Variants in ZNF500 observed in about 807,000 individuals in gnomAD.
ZNF500 encodes zinc finger protein with KRAB and SCAN domains 18.
In ZNF500, 31 loss-of-function variants were observed where a neutral mutation model predicts 30.1. The observed-to-expected ratio is 1.03, with a 90% confidence interval of 0.77 to 1.39. The LOEUF is 1.39. Among genes scored for constraint, ZNF500 ranks in the 40% most tolerant of loss-of-function variants. The pLI, the probability that ZNF500 is intolerant of heterozygous loss-of-function variation, is 0.00. For missense variants in ZNF500, 817 were observed against 657.8 expected, an observed-to-expected ratio of 1.24 and a Z score of -2.65; for synonymous variants, 392 against 282.0, an observed-to-expected ratio of 1.39 and a Z score of -3.91.
At chr16:4,766,811 G>C (rs1447720241) in intron 1 of ZNF500, 2 of 152,244 alleles carry the variant, frequency 1.3e-5, no homozygotes, top group East Asian at 3.9e-4. Context: ...GGCCCCGTCA[G>C]GCACCCCCGC....
rs2082073745 is a variant in ZNF500 at position 4,751,176 on chromosome 16, T to C, written c.*1200A>G. On this transcript the variant is annotated 3_prime_UTR_variant, in exon 6 of 6. Transcript: ENST00000219478. ...GCTGCCCTACGACTTCCGAGATGAC[T>C]AAACCCACCAAGGACTCTATCACAC... is the stretch of plus-strand genomic sequence containing the variant. 1 of 162,138 alleles carries C rather than the reference T, an allele frequency of 6.2e-6. No homozygotes were observed. The highest frequency in any genetic ancestry group is 2.4e-5 in the African/African-American group (1 of 41,612). The allele number at this position is 162,138 out of a possible 1,614,324, so 10.0% of individuals were successfully genotyped here. A position where few individuals can be genotyped will look rare whatever the true frequency, so the allele number is the denominator to read the frequency against.
chr16:4,751,641 C>CA lies in ZNF500; in HGVS notation c.*734dup. On this transcript the variant is annotated 3_prime_UTR_variant, in exon 6 of 6. Transcript: ENST00000219478. ...GGGGTCCCTCAAATTCATGTGCACCCAGACCTCAGAATGTGACCTTATTTG... is the reference window on the plus strand; with the variant it reads ...GGGGTCCCTCAAATTCATGTGCACCCAAGACCTCAGAATGTGACCTTATTTG... The CA allele has an allele frequency of 1.3e-6, 2 of 1,535,346 alleles. No individual in the cohort carries two copies. The highest frequency in any genetic ancestry group is 4.9e-5 in the East Asian group (2 of 40,902).
At chr16:4,763,524 G>C (rs1248452617) in intron 2 of ZNF500, 2 of 984,460 alleles carry the variant, frequency 2.0e-6, no homozygotes. Context: ...CTCTGCAATA[G>C]CACTTGGACA....
At chr16:4,764,548 A>G (rs4786543) in intron 2 of ZNF500, among the ~76,000 whole-genome samples, 151,560 of 151,582 alleles carry the variant, frequency 1, 75,769 homozygotes, top group Middle Eastern at 1. Flanking sequence ...TTGGGAGGCC[A>G]AGGCAGGTGA....
chr16:4,746,831 T>TG, downstream of ZNF500: 1 of 1,174,336 alleles, frequency 8.5e-7, no homozygotes, highest in Non-Finnish European at 1.2e-6. Flanking sequence ...CCTCTTGCAT[T>TG]GGGTCACCAG....
At chr16:4,759,208 T>A (rs2141841843) in intron 5 of ZNF500, among the ~76,000 whole-genome samples, 2 of 144,776 alleles carry the variant, frequency 1.4e-5, no homozygotes, top group Admixed American at 1.4e-4. Context: ...GAGCAAGACT[T>A]CATCTCAAAA....
rs1236236090 is a variant in ZNF500, at chr16:4,748,545, CTG to C, written c.*3829_*3830del. 1 of 152,440 alleles carries C rather than the reference CTG, an allele frequency of 6.6e-6. No individual in the cohort carries two copies. The allele number at this position is 152,440 out of a possible 1,614,324, so 9.4% of individuals were successfully genotyped here. A position where few individuals can be genotyped will look rare whatever the true frequency, so the allele number is the denominator to read the frequency against. On this transcript the variant is annotated 3_prime_UTR_variant, in exon 6 of 6. Transcript: ENST00000219478. ...CTCACTTGTTGATCACCAGCAAAAA[CTG>C]GGGACATCTGCTTGCCCCCTGCCAA...
chr16:4,746,144 C>T (rs1317009763), downstream of ZNF500: 3 of 470,324 alleles, frequency 6.4e-6, no homozygotes, highest in Non-Finnish European at 7.5e-6. Flanking sequence ...GCTACACTTA[C>T]CACAGATAGA....
rs376359609 is a variant in ZNF500 at position 4,752,421 on chromosome 16, C to T, written c.1398G>A (p.Pro466=). The T allele has an allele frequency of 5.8e-5, 88 of 1,527,574 alleles. 1 individual carries two copies. The African/African-American group carries it at 8.8e-4, about 15-fold the overall frequency. 94.6% of individuals were successfully genotyped at this position (1,527,574 alleles called of 1,614,324 possible). ...QRTHMGAGSL[P]TLQPVAPGGP... The stretch of plus-strand genomic sequence containing the variant: ...CTCCAGGAGCCACCGGCTGGAGCGT[C>T]GGCAAGGAGCCTGCCCCCATGTGGG... Residue 466 remains proline (P), a synonymous_variant, in exon 6 of 6, where the codon CCG becomes CCA. Transcript: ENST00000219478.
At chr16:4,746,868 C>A, downstream of ZNF500, 1 of 1,438,004 alleles carries the variant, frequency 7.0e-7, no homozygotes, top group Non-Finnish European at 9.3e-7. Flanking sequence ...CAAGCCCCAA[C>A]AAGAGTTGGA....
At chr16:4,746,741 A>G, downstream of ZNF500, 1 of 749,508 alleles carries the variant, frequency 1.3e-6, no homozygotes, top group Non-Finnish European at 2.1e-6. Context: ...AGAGCCCAAC[A>G]CGTCTAGGCT....
chr16:4,757,857 C>T (rs930501069), intron 5 of ZNF500, among the ~76,000 whole-genome samples: 3 of 150,464 alleles, frequency 2.0e-5, no homozygotes, highest in Non-Finnish European at 2.9e-5. Flanking sequence ...CCGCCTCAGC[C>T]TCTGGAAGTG....
In ZNF500 at chr16:4,752,242, C is replaced by A; in HGVS notation, c.*134G>T. On this transcript the variant is annotated 3_prime_UTR_variant, in exon 6 of 6. Transcript: ENST00000219478. The stretch of plus-strand genomic sequence containing the variant: ...TCTGCGGCCTGGGCATCCCAAATGT[C>A]CCCTGCTGGCCTCATACTGGGCCAT... The A allele has an allele frequency of 7.0e-7, 1 of 1,424,966 alleles. No homozygotes were observed. The highest frequency in any genetic ancestry group is 1.6e-5 in the South Asian group (1 of 62,728). 88.3% of individuals were successfully genotyped at this position (1,424,966 alleles called of 1,614,324 possible).
intron 5 of ZNF500, among the ~76,000 whole-genome samples, chr16:4,755,744 A>C (rs942801896): frequency 3.3e-5 from 5 of 152,230 alleles, no homozygotes; most frequent in African/African-American, 9.6e-5. Flanking sequence ...CCTCAAACAG[A>C]AATGTGTACA....
At chr16:4,758,980 C>T (rs553932141) in intron 5 of ZNF500, among the ~76,000 whole-genome samples, 5 of 152,246 alleles carry the variant, frequency 3.3e-5, no homozygotes, top group African/African-American at 1.2e-4. Context: ...GAGGCTGAGG[C>T]AGGCAGATCA....
chr16:4,756,875 G>T, intron 5 of ZNF500, among the ~76,000 whole-genome samples: 1 of 152,120 alleles, frequency 6.6e-6, no homozygotes, highest in South Asian at 2.1e-4. Flanking sequence ...CCAGCTACTC[G>T]GGAGGCTGAG....
At chr16:4,746,537 T>C, downstream of ZNF500, 2 of 1,602,224 alleles carry the variant, frequency 1.2e-6, no homozygotes, top group Non-Finnish European at 1.7e-6. Context: ...GACTACCCCA[T>C]ACCAGCCTCT....
intron 4 of ZNF500, among the ~76,000 whole-genome samples, chr16:4,760,878 G>T (rs994392606): frequency 1.3e-5 from 2 of 152,128 alleles, no homozygotes; most frequent in African/African-American, 4.8e-5. Flanking sequence ...TGCTCCACAG[G>T]GAGACAAGAG....
intron 2 of ZNF500, among the ~76,000 whole-genome samples, chr16:4,764,747 T>A (rs576789866): frequency 3.5e-4 from 47 of 135,000 alleles, no homozygotes; most frequent in African/African-American, 5.6e-4. Context: ...GCGCCACTGC[T>A]CTCCAGCCTG....
Sources: allele counts gnomAD v4.1 joint callset (sites outside exome capture counted in the v4.1 genomes callset), GRCh38; gene constraint gnomAD v4.1.1; transcripts MANE v1.5; gene names NCBI Gene and HGNC (gene_info 2026-07-23, HGNC 2026-07-21).